NRG1: variants seen among roughly 807,000 people sequenced by gnomAD.
NRG1 encodes the protein pro-neuregulin-1, membrane-bound isoform.
In NRG1, 18 loss-of-function variants were observed where a neutral mutation model predicts 63.8. That is an observed-to-expected ratio of 0.28 (90% CI 0.19 to 0.42). The LOEUF (loss-of-function observed/expected upper bound fraction) is 0.42. Among genes scored for constraint, NRG1 ranks in the 10% least tolerant of loss-of-function variants. The pLI, the probability that NRG1 is intolerant of heterozygous loss-of-function variation, is 1.00. For missense variants in NRG1, 762 were observed against 814.7 expected, an observed-to-expected ratio of 0.94 and a Z score of 0.79; for synonymous variants, 302 against 301.3, an observed-to-expected ratio of 1.00 and a Z score of -0.02.
rs184290200 is a variant in NRG1 at position 31,880,066 on chromosome 8, C to G, written c.37+240635C>G. Among the ~76,000 whole-genome samples, 81 of 152,148 alleles carry G rather than the reference C, an allele frequency of 5.3e-4. 1 individual carries two copies. The highest frequency in any genetic ancestry group is 1.6e-3 in the African/African-American group (66 of 41,502). ...GGTGAGGTTGCAGAGAAAAGAGAAC[C>G]CTTACACACTATTGGTGGGAGTGTA... On this transcript the variant is annotated intron_variant, in intron 1 of 10. Transcript: ENST00000519301.
chr8:32,657,035 A>G (rs1008635563), intron 5 of NRG1, among the ~76,000 whole-genome samples: 12 of 152,058 alleles, frequency 7.9e-5, no homozygotes, highest in African/African-American at 2.9e-4. Flanking sequence ...ATATGCATGT[A>G]ATTATCAAAT....
At chr8:32,376,980 C>A (rs1046838036) in intron 1 of NRG1, among the ~76,000 whole-genome samples, 1 of 152,134 alleles carries the variant, frequency 6.6e-6, no homozygotes, top group Non-Finnish European at 1.5e-5. Context: ...GACTTAATAG[C>A]GCATATTGAC....
At chr8:32,128,261 T>C (rs147180745) in intron 1 of NRG1, among the ~76,000 whole-genome samples, 180 of 151,994 alleles carry the variant, frequency 1.2e-3, no homozygotes, top group Non-Finnish European at 2.2e-3. Context: ...CTGTTGGAGA[T>C]TGAGCTTTCC....
chr8:31,874,275 T>C (rs980804281), intron 1 of NRG1, among the ~76,000 whole-genome samples: 7 of 152,340 alleles, frequency 4.6e-5, no homozygotes, highest in African/African-American at 1.7e-4. Flanking sequence ...AGAGACTTAA[T>C]AGTCAGTTGG....
chr8:31,662,034 A>G (rs1563266993), intron 1 of NRG1, among the ~76,000 whole-genome samples: 2 of 152,264 alleles, frequency 1.3e-5, no homozygotes, highest in African/African-American at 4.8e-5. Flanking sequence ...GTTCTAGTCT[A>G]TACCCTGACC....
intron 6 of NRG1, among the ~76,000 whole-genome samples, chr8:32,734,801 G>T (rs1824586674): frequency 6.6e-6 from 1 of 152,158 alleles, no homozygotes; most frequent in African/African-American, 2.4e-5. Context: ...CAGGTGCATT[G>T]TCTAAGTGTT....
At chr8:32,164,130 T>C (rs990620415) in intron 1 of NRG1, among the ~76,000 whole-genome samples, 2 of 152,158 alleles carry the variant, frequency 1.3e-5, no homozygotes, top group Non-Finnish European at 2.9e-5. Context: ...GTTGCCTTCA[T>C]CTCTTAGTTT....
intron 1 of NRG1, among the ~76,000 whole-genome samples, chr8:32,175,548 G>A (rs988137478): frequency 1.3e-5 from 2 of 152,172 alleles, no homozygotes; most frequent in Non-Finnish European, 2.9e-5. Flanking sequence ...AATTGTCCCT[G>A]TTTGCAGATG....
intron 1 of NRG1, among the ~76,000 whole-genome samples, chr8:31,696,123 A>C (rs1185539288): frequency 1.3e-5 from 2 of 152,194 alleles, no homozygotes; most frequent in African/African-American, 4.8e-5. Context: ...GCTGGAGTGC[A>C]GTGGTGCTAT....
chr8:31,701,470 A>C (rs1315035645), intron 1 of NRG1, among the ~76,000 whole-genome samples: 1 of 152,174 alleles, frequency 6.6e-6, no homozygotes, highest in Admixed American at 6.5e-5. Flanking sequence ...AATCATTTTT[A>C]TTCAAGAGGG....
chr8:32,357,957 A>G (rs998437290), intron 1 of NRG1, among the ~76,000 whole-genome samples: 3 of 152,290 alleles, frequency 2.0e-5, no homozygotes, highest in Admixed American at 2.0e-4. Context: ...GAACCCTTTA[A>G]TTGTACCCAA....
intron 5 of NRG1, among the ~76,000 whole-genome samples, chr8:32,696,369 C>CT (rs962505287): frequency 6.6e-6 from 1 of 152,124 alleles, no homozygotes; most frequent in Non-Finnish European, 1.5e-5. Flanking sequence ...TAACACAGCA[C>CT]TCTTTAATTG....
chr8:32,421,744 C>G (rs555602563), intron 1 of NRG1, among the ~76,000 whole-genome samples: 4 of 152,070 alleles, frequency 2.6e-5, no homozygotes, highest in African/African-American at 9.7e-5. Context: ...AAAATCACTT[C>G]GCATACACAG....
chr8:32,569,073 A>C (rs769190185), intron 1 of NRG1, among the ~76,000 whole-genome samples: 17 of 152,038 alleles, frequency 1.1e-4, no homozygotes, highest in Non-Finnish European at 1.5e-4. Flanking sequence ...TTTTTGAGAC[A>C]GCATCTCGCT....
intron 1 of NRG1, among the ~76,000 whole-genome samples, chr8:31,819,008 C>A (rs1823737137): frequency 6.6e-6 from 1 of 152,044 alleles, no homozygotes; most frequent in Non-Finnish European, 1.5e-5. Flanking sequence ...GAGCCGAGAT[C>A]GCGCCACTGC....
intron 5 of NRG1, among the ~76,000 whole-genome samples, chr8:32,649,159 CTTTTTTT>C (rs35558760): frequency 8.1e-6 from 1 of 123,364 alleles, no homozygotes; most frequent in Non-Finnish European, 1.7e-5. Flanking sequence ...TGAGGTACAT[CTTTTTTT>C]TTTTTTTTTT....
intron 1 of NRG1, among the ~76,000 whole-genome samples, chr8:32,068,356 A>G (rs1825215412): frequency 6.6e-6 from 1 of 152,206 alleles, no homozygotes; most frequent in Non-Finnish European, 1.5e-5. Context: ...AAACCTGGAC[A>G]TGACTTCAGA....
intron 6 of NRG1, among the ~76,000 whole-genome samples, chr8:32,739,836 G>A (rs186424189): frequency 7.0e-4 from 106 of 152,264 alleles, no homozygotes; most frequent in African/African-American, 2.5e-3. Flanking sequence ...CACATACACA[G>A]CGTGTTCACA....
At chr8:32,115,740 G>A (rs1002721960) in intron 1 of NRG1, among the ~76,000 whole-genome samples, 3 of 152,102 alleles carry the variant, frequency 2.0e-5, no homozygotes, top group African/African-American at 7.2e-5. Flanking sequence ...TGCCTACAAG[G>A]TGGATACTAC....
Sources: gnomAD v4.1 joint callset for allele counts (sites outside exome capture counted in the v4.1 genomes callset) on GRCh38, gnomAD v4.1.1 for gene constraint, MANE v1.5 for transcripts, NCBI Gene and HGNC (gene_info 2026-07-23, HGNC 2026-07-21) for gene names.